CACNG4: variants seen among roughly 807,000 people sequenced by gnomAD.
The protein encoded by CACNG4 is voltage-dependent calcium channel gamma-4 subunit.
In CACNG4, 8 loss-of-function variants were observed where a neutral mutation model predicts 22.9. The ratio of observed to expected loss-of-function variants is 0.35; its 90% confidence interval spans 0.21 to 0.63. CACNG4 has a LOEUF of 0.63. CACNG4 is among the 30% of genes least tolerant of loss of function. The pLI is 0.72. For missense variants in CACNG4, 357 were observed against 455.4 expected, an observed-to-expected ratio of 0.78 and a Z score of 1.97; for synonymous variants, 188 against 191.9, an observed-to-expected ratio of 0.98 and a Z score of 0.17.
intron 1 of CACNG4, among the ~76,000 whole-genome samples, chr17:66,973,705 G>A (rs889264342): frequency 6.6e-6 from 1 of 152,212 alleles, no homozygotes; most frequent in Non-Finnish European, 1.5e-5. Context: ...AAGCGGCACT[G>A]CCCTCCATGA....
intron 1 of CACNG4, among the ~76,000 whole-genome samples, chr17:66,991,946 T>A (rs9890544): frequency 0.047 from 7,204 of 152,252 alleles, 210 homozygotes; most frequent in African/African-American, 0.096. Context: ...CTTACCACCA[T>A]GCCTGCTGGA....
intron 1 of CACNG4, among the ~76,000 whole-genome samples, chr17:66,977,620 T>C (rs1476659546): frequency 1.3e-5 from 2 of 152,116 alleles, no homozygotes; most frequent in East Asian, 1.9e-4. Flanking sequence ...AGATTGGACA[T>C]GGGAAGCCCT....
At chr17:67,019,747 C>T (rs1257727981) in intron 2 of CACNG4, among the ~76,000 whole-genome samples, 1 of 152,188 alleles carries the variant, frequency 6.6e-6, no homozygotes, top group Non-Finnish European at 1.5e-5. Flanking sequence ...CCATTTCCCA[C>T]TGGAGCTCCC....
intron 1 of CACNG4, among the ~76,000 whole-genome samples, chr17:66,992,096 G>T (rs1286528066): frequency 6.6e-6 from 1 of 151,200 alleles, no homozygotes; most frequent in Non-Finnish European, 1.5e-5. Context: ...CGGGGTTTGT[G>T]CCCAGACTTT....
Position 67,031,745 on chromosome 17 carries a change from G to A in CACNG4, c.*741G>A, listed in dbSNP as rs1287714343. ...GTTTCTGCCTCACTCAGAATGGGCAGGACAGACCCACTGACTGGACTTCAG... is the reference window on the plus strand; with the variant it reads ...GTTTCTGCCTCACTCAGAATGGGCAAGACAGACCCACTGACTGGACTTCAG... On this transcript the variant is annotated 3_prime_UTR_variant, in exon 4 of 4. Transcript: ENST00000262138. The surrounding 1 kb of genome is among the most constrained non-coding windows in gnomAD (Gnocchi z 4.0). 2.2e-6 allele frequency: 1 copy of A among 456,648 alleles called. No homozygotes were observed. The allele number at this position is 456,648 out of a possible 1,614,324, so 28.3% of individuals were successfully genotyped here.
intron 2 of CACNG4, among the ~76,000 whole-genome samples, chr17:67,022,686 T>A (rs973774431): frequency 1.4e-4 from 22 of 152,324 alleles, no homozygotes; most frequent in African/African-American, 4.6e-4. Context: ...CGCCTGCCAG[T>A]GCGGCCCGAC....
In CACNG4 at chr17:67,024,880, G is replaced by A. The variant is rs35104874; in HGVS notation, c.325G>A (p.Val109Ile). ...YLLRIVRASSVFPILSTILLL... is the reference protein window; with the variant it reads ...YLLRIVRASSIFPILSTILLL... ...GCCAGGCATCGTGCGAGCCTCCAGC[G>A]TCTTCCCCATCCTCAGCACCATCCT... Residue 109 changes from valine to isoleucine, a missense_variant, in exon 3 of 4, where the codon GTC becomes ATC. Around this residue, in one of 3 missense-constraint regions of CACNG4, gnomAD observed 114 missense variants for 161.6 expected, o/e 0.71. Coordinates refer to ENST00000262138, the MANE Select transcript of CACNG4 (RefSeq NM_014405.4). 1,510 of 1,578,346 alleles carry A rather than the reference G, an allele frequency of 9.6e-4. 18 individuals carry two copies. In the African/African-American group the frequency reaches 0.018, roughly 18 times the overall value.
At chr17:66,971,929 G>A (rs1433976666) in intron 1 of CACNG4, among the ~76,000 whole-genome samples, 1 of 152,156 alleles carries the variant, frequency 6.6e-6, no homozygotes, top group Non-Finnish European at 1.5e-5. Flanking sequence ...CCTTCTGACT[G>A]CATTTGGAGA....
In CACNG4 at chr17:67,030,618, G is replaced by T; in HGVS notation, c.598G>T (p.Val200Phe). ...LSFIVAETVG[V>F]LAVNIYIEKN... ...TTTCATTGTGGCTGAGACCGTGGGC[G>T]TCCTGGCTGTAAACATTTACATTGA... is the stretch of plus-strand genomic sequence containing the variant. The change falls in exon 4 of 4, where the codon GTC (valine) becomes TTC (phenylalanine). Residue 200 changes from valine to phenylalanine, a missense_variant. Val to Phe is a conservative substitution (Grantham distance 50, BLOSUM62 -1). This residue lies in a region of CACNG4 where 240 missense variants were observed against 277.6 expected (regional missense o/e 0.86). Coordinates refer to ENST00000262138, the MANE Select transcript of CACNG4 (RefSeq NM_014405.4). The surrounding 1 kb of genome is among the most constrained non-coding windows in gnomAD (Gnocchi z 6.4). 6.2e-7 allele frequency: 1 copy of T among 1,614,212 alleles called. No homozygotes were observed. Among genetic ancestry groups the T allele is most frequent in the Non-Finnish European group, 8.5e-7 (1 of 1,180,036 alleles).
chr17:67,000,697 T>C (rs1369407601), intron 1 of CACNG4, among the ~76,000 whole-genome samples: 1 of 152,084 alleles, frequency 6.6e-6, no homozygotes, highest in Non-Finnish European at 1.5e-5. Context: ...GGGAGGGTGC[T>C]AGTGTCCCTA....
At position 67,032,027 on chromosome 17, in the gene CACNG4, T is replaced by C. The variant is rs1303020442; in HGVS notation, c.*1023T>C. On this transcript the variant is annotated 3_prime_UTR_variant, in exon 4 of 4. Transcript: ENST00000262138. Reference sequence around the variant, plus strand: ...CCATTTCCTAGGTGGTTACAAATCATAACTTCCTGCAAATCAACGCCAGGA... The same window carrying C: ...CCATTTCCTAGGTGGTTACAAATCACAACTTCCTGCAAATCAACGCCAGGA... The C allele has an allele frequency of 4.4e-6, 2 of 451,368 alleles. No individual in the cohort carries two copies. The highest frequency in any genetic ancestry group is 8.9e-6 in the Non-Finnish European group (2 of 225,464). 28.0% of individuals were successfully genotyped at this position (451,368 alleles called of 1,614,324 possible).
At chr17:66,992,995 C>G (rs536616166) in intron 1 of CACNG4, among the ~76,000 whole-genome samples, 1 of 152,262 alleles carries the variant, frequency 6.6e-6, no homozygotes. Flanking sequence ...GAGCGCCCAC[C>G]TTGCACCTAG....
intron 1 of CACNG4, among the ~76,000 whole-genome samples, chr17:66,973,638 C>T (rs937450591): frequency 9.8e-5 from 15 of 152,336 alleles, no homozygotes; most frequent in African/African-American, 3.4e-4. Context: ...GAAACTCCCT[C>T]CCGTGGTGTC....
At chr17:67,011,542 G>A (rs141989969) in intron 1 of CACNG4, among the ~76,000 whole-genome samples, 99 of 152,240 alleles carry the variant, frequency 6.5e-4, no homozygotes, top group Non-Finnish European at 1.3e-3. Context: ...TGAGAGCTCC[G>A]TGAGGGCCAG....
At chr17:66,999,711 T>TC (rs973682125) in intron 1 of CACNG4, among the ~76,000 whole-genome samples, 5 of 151,696 alleles carry the variant, frequency 3.3e-5, no homozygotes, top group African/African-American at 1.2e-4. Context: ...GGATTACAGG[T>TC]CCCCCCATCA....
At chr17:66,991,822 A>G (rs1208627978) in intron 1 of CACNG4, among the ~76,000 whole-genome samples, 1 of 152,192 alleles carries the variant, frequency 6.6e-6, no homozygotes. Flanking sequence ...CCTGATGTTG[A>G]AGTGTACAGA....
At chr17:67,023,484 C>G (rs2035544378) in intron 2 of CACNG4, among the ~76,000 whole-genome samples, 2 of 151,806 alleles carry the variant, frequency 1.3e-5, no homozygotes, top group Non-Finnish European at 2.9e-5. Flanking sequence ...ACCATGCTAG[C>G]CAGAATGGTC....
At chr17:66,998,510 C>T (rs922185825) in intron 1 of CACNG4, among the ~76,000 whole-genome samples, 27 of 152,210 alleles carry the variant, frequency 1.8e-4, no homozygotes, top group African/African-American at 6.5e-4. Flanking sequence ...ACTTATTTAA[C>T]GTGAGCACTC....
intron 1 of CACNG4, among the ~76,000 whole-genome samples, chr17:66,978,170 C>G (rs1226356324): frequency 2.0e-5 from 3 of 152,200 alleles, no homozygotes; most frequent in Non-Finnish European, 4.4e-5. Context: ...GATCTGCCTC[C>G]TACTAGCTGT....
Sources: gnomAD v4.1 joint callset for allele counts (sites outside exome capture counted in the v4.1 genomes callset) on GRCh38, gnomAD v4.1.1 for gene constraint, gnomAD v4.1.1 regional missense constraint, Gnocchi (gnomAD v3.1) non-coding constraint, MANE v1.5 for transcripts, NCBI Gene and HGNC (gene_info 2026-07-23, HGNC 2026-07-21) for gene names.